Variants in SLC24A1 observed in about 807,000 individuals in gnomAD.
The protein encoded by SLC24A1 is solute carrier family 24 member 1, also known as sodium/potassium/calcium exchanger 1.
A neutral mutation model predicts 88.1 loss-of-function variants in SLC24A1; 52 were observed. That is an observed-to-expected ratio of 0.59 (90% confidence interval 0.47 to 0.74). The LOEUF is 0.74. SLC24A1 is among the 30% of genes least tolerant of loss of function. The pLI, the probability that SLC24A1 is intolerant of heterozygous loss-of-function variation, is 0.00. For synonymous variants in SLC24A1, 455 were observed against 498.0 expected, an observed-to-expected ratio of 0.91 and a Z score of 1.15; for missense variants, 1,173 against 1,363.3, an observed-to-expected ratio of 0.86 and a Z score of 2.20.
chr15:65,626,761 A>G lies in SLC24A1; in HGVS notation c.1890+791A>G, dbSNP rs148992044. Reference sequence around the variant, plus strand: ...TGAAAGATTATTAATTGCAGAAGTGATCTCTGAAAATTCATTCCAAAATTT... The same window carrying G: ...TGAAAGATTATTAATTGCAGAAGTGGTCTCTGAAAATTCATTCCAAAATTT... On this transcript the variant is annotated intron_variant, in intron 2 of 9. Coordinates refer to ENST00000261892, the MANE Select transcript of SLC24A1 (RefSeq NM_004727.3). Among the ~76,000 whole-genome samples the G allele has an allele frequency of 2.6e-5, 4 of 152,128 alleles. No individual in the cohort carries two copies. In the East Asian group the frequency reaches 7.7e-4, roughly 29 times the overall value.
chr15:65,644,183 ATGACTTACCCTAAGGTCACAGCCAGTCAG>A (rs2141645916), intron 4 of SLC24A1: 1 of 495,510 alleles, frequency 2.0e-6, no homozygotes, highest in African/African-American at 1.9e-5. Flanking sequence ...GAGAAGGGAA[ATGACTTACCCTAAGGTCACAGCCAGTCAG>A]TGACAATGCA....
Position 65,624,575 on chromosome 15 carries a change from G to C in SLC24A1, c.495G>C (p.Lys165Asn). ...CTTCAAGCAGACAAATAGTAAAAAA[G>C]TATACCCCAACACCCAGGGGAGAAA... ...TSTSSRQIVK[K>N]YTPTPRGEMK... is the part of the protein sequence containing the mutation. Residue 165 changes from lysine (K) to asparagine (N), a missense_variant, in exon 2 of 10, where the codon AAG becomes AAC. Transcript: ENST00000261892. 1.9e-6 allele frequency: 3 copies of C among 1,594,752 alleles called. No individual in the cohort carries two copies. The highest frequency in any genetic ancestry group is 2.6e-6 in the Non-Finnish European group (3 of 1,170,516).
Position 65,654,278 on chromosome 15 carries a change from C to T in SLC24A1, c.*199C>T, listed in dbSNP as rs545463927. On this transcript the variant is annotated 3_prime_UTR_variant, in exon 10 of 10. Transcript: ENST00000261892. Reference sequence around the variant, plus strand: ...GCTCATTGTGGATTAAGAACCTCACCCCTGGAGGGGTGGAGTTTCTACCCC... The same window carrying T: ...GCTCATTGTGGATTAAGAACCTCACTCCTGGAGGGGTGGAGTTTCTACCCC... 36 of 1,385,124 alleles carry T rather than the reference C, an allele frequency of 2.6e-5. No individual in the cohort carries two copies. The African/African-American group carries it at 4.3e-4, about 17-fold the overall frequency. The allele number at this position is 1,385,124 out of a possible 1,614,324, so 85.8% of individuals were successfully genotyped here.
chr15:65,622,161 A>T (rs531625972), intron 1 of SLC24A1, 69 bp downstream of exon 1: 7 of 152,340 alleles, frequency 4.6e-5, no homozygotes. Context: ...TAACACAGGA[A>T]CATTAGAAAG....
At position 65,624,511 on chromosome 15, in the gene SLC24A1, C is replaced by T. The variant is rs558229888; in HGVS notation, c.431C>T (p.Thr144Ile). Residue 144 changes from threonine (T) to isoleucine (I), a missense_variant, in exon 2 of 10, where the codon ACC (threonine) becomes ATC (isoleucine). Thr to Ile is a moderately conservative substitution (Grantham distance 89). Coordinates refer to ENST00000261892, the MANE Select transcript of SLC24A1 (RefSeq NM_004727.3). The part of the protein sequence containing the change: ...AAGTERRKED[T>I]PTSSRTLTYY... ...GGTACAGAAAGAAGGAAGGAAGACA[C>T]CCCAACATCCAGTAGAACACTGACT... The T allele has an allele frequency of 6.2e-7, 1 of 1,604,732 alleles. No individual in the cohort carries two copies. Among genetic ancestry groups the T allele is most frequent in the Non-Finnish European group, 8.5e-7 (1 of 1,175,354 alleles).
intron 2 of SLC24A1, among the ~76,000 whole-genome samples, chr15:65,630,073 C>T (rs976639995): frequency 3.9e-5 from 6 of 152,212 alleles, no homozygotes; most frequent in Non-Finnish European, 7.3e-5. Context: ...CAGGCAGTCT[C>T]CCTCCTCAGC....
intron 6 of SLC24A1, among the ~76,000 whole-genome samples, chr15:65,647,194 CG>C (rs1367603092): frequency 6.6e-6 from 1 of 152,078 alleles, no homozygotes; most frequent in African/African-American, 2.4e-5. Context: ...GAGAGAGAAT[CG>C]GGCCGGGTGT....
At chr15:65,639,000 G>A (rs1433412101) in intron 3 of SLC24A1, among the ~76,000 whole-genome samples, 1 of 152,130 alleles carries the variant, frequency 6.6e-6, no homozygotes, top group African/African-American at 2.4e-5. Context: ...CTGAGCACAT[G>A]GGCAGAAAAA....
chr15:65,645,416 C>T (rs1233320886), intron 5 of SLC24A1, among the ~76,000 whole-genome samples, 196 bp from the exon 6 acceptor site: 1 of 152,226 alleles, frequency 6.6e-6, no homozygotes, highest in Non-Finnish European at 1.5e-5. Context: ...TGCCAACTGT[C>T]TTCTCATCTG....
intron 2 of SLC24A1, among the ~76,000 whole-genome samples, chr15:65,627,149 A>T (rs909558816): frequency 3.3e-5 from 5 of 152,174 alleles, no homozygotes; most frequent in Admixed American, 3.3e-4. Flanking sequence ...TTTAGATAAC[A>T]TGTTGTTCTG....
chr15:65,650,709 A>G lies in SLC24A1; in HGVS notation c.2560A>G (p.Ser854Gly), dbSNP rs2075466419. Residue 854 changes from serine to glycine, a missense_variant, in exon 7 of 10, where the codon AGT becomes GGT. Ser to Gly is a moderately conservative substitution (Grantham distance 56). Transcript: ENST00000261892. The surrounding 1 kb of genome is among the most constrained non-coding windows in gnomAD (Gnocchi z 4.1). Reference protein sequence around the residue: ...DEKGVEDGGGSDGGDSEEEEE... With the variant: ...DEKGVEDGGGGDGGDSEEEEE... ...GAAAGGTGTAGAAGATGGAGGGGGAAGTGATGGAGGGGATAGCGAAGAGGA... is the reference window on the plus strand; with the variant it reads ...GAAAGGTGTAGAAGATGGAGGGGGAGGTGATGGAGGGGATAGCGAAGAGGA... The G allele has an allele frequency of 2.6e-6, 4 of 1,557,680 alleles. No individual in the cohort carries two copies. Among genetic ancestry groups the G allele is most frequent in the Non-Finnish European group, 2.6e-6 (3 of 1,150,210 alleles).
upstream of SLC24A1, among the ~76,000 whole-genome samples, chr15:65,620,655 A>G (rs1378942050): frequency 6.6e-6 from 1 of 152,232 alleles, no homozygotes; most frequent in Non-Finnish European, 1.5e-5. Flanking sequence ...AGACACCAGG[A>G]AGAACTCCTT....
At chr15:65,657,651 G>A (rs547345748), downstream of SLC24A1, among the ~76,000 whole-genome samples, 2 of 152,298 alleles carry the variant, frequency 1.3e-5, no homozygotes, top group South Asian at 2.1e-4. Flanking sequence ...CAAAAAAAAA[G>A]AAAAAATAAA....
In SLC24A1 at chr15:65,624,213, C is replaced by CG. The variant is rs774536190; in HGVS notation, c.137dup (p.Leu47ProfsTer24). 6.2e-6 allele frequency: 10 copies of CG among 1,613,760 alleles called. No homozygotes were observed. The highest frequency in any genetic ancestry group is 7.6e-6 in the Non-Finnish European group (9 of 1,179,858). On this transcript the variant is annotated frameshift_variant, in exon 2 of 10. Transcript: ENST00000261892. LOFTEE classifies it high-confidence loss of function. Reference sequence around the variant, plus strand: ...TACTTATCAGCACCTTAGGAGACCCCGGGGCCTTTCCTCATTGTGGGCAGC... The same window carrying CG: ...TACTTATCAGCACCTTAGGAGACCCCGGGGGCCTTTCCTCATTGTGGGCAGC...
Position 65,655,144 on chromosome 15 carries a change from G to A in SLC24A1, c.*1065G>A. ...GAGGGATTAGACATTCTAATGGAAT[G>A]TCCTGGCTCCACCCTCCAGCATGTT... On this transcript the variant is annotated 3_prime_UTR_variant, in exon 10 of 10. Transcript: ENST00000261892. 5.0e-6 allele frequency: 5 copies of A among 992,590 alleles called. No homozygotes were observed. Among genetic ancestry groups the A allele is most frequent in the Non-Finnish European group, 6.0e-6 (5 of 834,402 alleles). 61.5% of individuals were successfully genotyped at this position (992,590 alleles called of 1,614,324 possible).
chr15:65,617,137 T>C (rs1296976945), upstream of SLC24A1, among the ~76,000 whole-genome samples: 1 of 152,214 alleles, frequency 6.6e-6, no homozygotes, highest in Non-Finnish European at 1.5e-5. Flanking sequence ...CCTTGTAGTA[T>C]AGTTTGAAGT....
chr15:65,616,942 G>C (rs141891653), upstream of SLC24A1, among the ~76,000 whole-genome samples: 1 of 152,274 alleles, frequency 6.6e-6, no homozygotes, highest in East Asian at 1.9e-4. Flanking sequence ...CTTTCTACGT[G>C]TGGCTAGCCA....
rs371458137 is a variant in SLC24A1, at chr15:65,629,098, T to A, written c.1890+3128T>A. On this transcript the variant is annotated intron_variant, in intron 2 of 9. Coordinates refer to ENST00000261892, the MANE Select transcript of SLC24A1 (RefSeq NM_004727.3). ...CTAATTGGAATGGCCACGTGGTATT[T>A]TAGTAAGAGCAACATACTTGCAGGT... 3.3e-5 allele frequency among the ~76,000 whole-genome samples: 5 copies of A among 152,352 alleles called. No homozygotes were observed. In the South Asian group the frequency reaches 1.0e-3, roughly 32 times the overall value.
chr15:65,657,090 C>T (rs1455595698), downstream of SLC24A1, among the ~76,000 whole-genome samples: 2 of 151,968 alleles, frequency 1.3e-5, no homozygotes, highest in Non-Finnish European at 2.9e-5. Flanking sequence ...AGGCTGATCT[C>T]GAACTCCTGA....
Sources: gnomAD v4.1 joint callset for allele counts (sites outside exome capture counted in the v4.1 genomes callset) on GRCh38, gnomAD v4.1.1 for gene constraint, Gnocchi (gnomAD v3.1) non-coding constraint, MANE v1.5 for transcripts, NCBI Gene and HGNC (gene_info 2026-07-23, HGNC 2026-07-21) for gene names.